The following VPS13D variants were observed in gnomAD, a reference collection of about 807,000 sequenced individuals.
The protein encoded by VPS13D is vacuolar protein sorting 13 homolog D, also known as intermembrane lipid transfer protein VPS13D.
A neutral mutation model predicts 461.9 loss-of-function variants in VPS13D; 187 were observed. That is an observed-to-expected ratio of 0.40 (90% CI 0.36 to 0.46). VPS13D has a LOEUF of 0.46. VPS13D is among the 20% of genes least tolerant of loss of function. VPS13D has a pLI of 0.60. For synonymous variants in VPS13D, 1,951 were observed against 1,986.3 expected, an observed-to-expected ratio of 0.98 and a Z score of 0.47; for missense variants, 4,711 against 5,364.9, an observed-to-expected ratio of 0.88 and a Z score of 3.81.
intron 38 of VPS13D, 53 bp from the exon 39 acceptor site, chr1:12,335,652 C>T (rs183880508): frequency 1.8e-5 from 28 of 1,556,528 alleles, no homozygotes; most frequent in Middle Eastern, 1.7e-4. Context: ...TTATTTGACT[C>T]GAACCCTCCA....
At chr1:12,255,578 C>T (rs565471986) in intron 7 of VPS13D, among the ~76,000 whole-genome samples, 3 of 149,914 alleles carry the variant, frequency 2.0e-5, no homozygotes, top group Admixed American at 6.6e-5. Flanking sequence ...AAATTTTAAA[C>T]GATGTGAGTG....
At position 12,351,313 on chromosome 1, in the gene VPS13D, G is replaced by A. The variant is rs558219886; in HGVS notation, c.9431+1939G>A. ...AATTTTTTCTTGTTTTTTTTGAGGTGGAGTTTTGCTCTTGTCACCCAGGCT... is the reference window on the plus strand; with the variant it reads ...AATTTTTTCTTGTTTTTTTTGAGGTAGAGTTTTGCTCTTGTCACCCAGGCT... On this transcript the variant is annotated intron_variant, in intron 46 of 69. Transcript: ENST00000620676. 2.1e-4 allele frequency among the ~76,000 whole-genome samples: 32 copies of A among 152,162 alleles called. No individual in the cohort carries two copies. In the South Asian group the frequency reaches 6.6e-3, roughly 32 times the overall value.
At chr1:12,263,399 T>C (rs1270918117) in intron 13 of VPS13D, among the ~76,000 whole-genome samples, 1 of 152,218 alleles carries the variant, frequency 6.6e-6, no homozygotes, top group Non-Finnish European at 1.5e-5. Context: ...TTTTTTCTGC[T>C]CTGTGAGTGT....
intron 21 of VPS13D, among the ~76,000 whole-genome samples, chr1:12,287,698 A>C (rs1342051701): frequency 1.3e-5 from 2 of 152,178 alleles, no homozygotes; most frequent in African/African-American, 4.8e-5. Flanking sequence ...CTTCCAAGAC[A>C]GGGGATTTTT....
At chr1:12,337,437 C>T (rs1389760578) in intron 39 of VPS13D, 1 of 152,090 alleles carries the variant, frequency 6.6e-6, no homozygotes, top group Non-Finnish European at 1.5e-5. Context: ...AAAAGTTATG[C>T]TTTTTATTCA....
At position 12,417,781 on chromosome 1, in the gene VPS13D, CT is replaced by C. The variant is rs202153172; in HGVS notation, c.12333+960del. ...AATGTGTGAAAGCTGAGAATTTATT[CT>C]TTTTTCCCCAAACTATTTTCTAGGG... On this transcript the variant is annotated intron_variant, in intron 65 of 69. Transcript: ENST00000620676. Among the ~76,000 whole-genome samples the C allele has an allele frequency of 5.9e-3, 905 of 152,260 alleles. 13 individuals carry two copies. The highest frequency in any genetic ancestry group is 0.021 in the African/African-American group (859 of 41,534).
chr1:12,322,391 A>T, intron 33 of VPS13D, 145 bp from the exon 34 acceptor site: 1 of 812,148 alleles, frequency 1.2e-6, no homozygotes, highest in East Asian at 2.7e-5. Context: ...CTTACTTTCA[A>T]GATCTTTGCA....
chr1:12,360,671 GT>G, intron 50 of VPS13D, among the ~76,000 whole-genome samples: 1 of 152,152 alleles, frequency 6.6e-6, no homozygotes, highest in Non-Finnish European at 1.5e-5. Flanking sequence ...AAGTGATAGG[GT>G]ATAGTTCCAT....
intron 47 of VPS13D, 63 bp downstream of exon 47, chr1:12,354,284 G>A: frequency 1.3e-6 from 2 of 1,575,048 alleles, no homozygotes; most frequent in South Asian, 1.1e-5. Context: ...AGTATTTTGT[G>A]ATTATTTATT....
intron 23 of VPS13D, among the ~76,000 whole-genome samples, chr1:12,291,695 C>T (rs1642136924): frequency 6.6e-6 from 1 of 152,196 alleles, no homozygotes; most frequent in Non-Finnish European, 1.5e-5. Context: ...CCTGGGCTCT[C>T]TTGCTGGTTT....
intron 30 of VPS13D, 121 bp downstream of exon 30, chr1:12,314,448 G>C: frequency 1.1e-6 from 1 of 947,100 alleles, no homozygotes; most frequent in South Asian, 1.6e-5. Context: ...ATAGATAATG[G>C]CTTAATCAGT....
Position 12,253,592 on chromosome 1 carries a change from A to G in VPS13D, c.565-130A>G, listed in dbSNP as rs531608327. The G allele has an allele frequency of 1.7e-3, 1,170 of 674,112 alleles. 2 individuals are homozygous for G. The highest frequency in any genetic ancestry group is 2.2e-3 in the Non-Finnish European group (875 of 392,818). 41.8% of individuals were successfully genotyped at this position (674,112 alleles called of 1,614,324 possible). ...TCTGTAAGAGCAGAAGCATGTTTTA[A>G]TTGAGTTATATGTCCACAGCACCTT... is the stretch of plus-strand genomic sequence containing the variant. On this transcript the variant is annotated intron_variant, in intron 6 of 69. Transcript: ENST00000620676.
At chr1:12,468,143 T>C (rs181201173) in intron 67 of VPS13D, among the ~76,000 whole-genome samples, 94 of 152,380 alleles carry the variant, frequency 6.2e-4, no homozygotes, top group Admixed American at 2.5e-3. Context: ...TTTAAAACTC[T>C]AACGTGACAC....
intron 44 of VPS13D, 101 bp downstream of exon 44, chr1:12,346,753 CAT>C (rs1643685536): frequency 1.8e-6 from 2 of 1,128,888 alleles, no homozygotes; most frequent in Non-Finnish European, 2.5e-6. Flanking sequence ...AACTTTATGA[CAT>C]ATATGCGATT....
At chr1:12,231,471 A>G (rs1379897917) in intron 1 of VPS13D, among the ~76,000 whole-genome samples, 1 of 152,232 alleles carries the variant, frequency 6.6e-6, no homozygotes, top group East Asian at 1.9e-4. Context: ...GTTTAGGGCA[A>G]GTAGGGTAGG....
At chr1:12,262,193 A>G (rs1641131605) in intron 13 of VPS13D, 113 bp downstream of exon 13, 4 of 1,172,282 alleles carry the variant, frequency 3.4e-6, no homozygotes, top group Non-Finnish European at 4.7e-6. Context: ...CGAAAACTGT[A>G]TTAGCTAATG....
chr1:12,417,035 C>T (rs1172682391), intron 65 of VPS13D, among the ~76,000 whole-genome samples: 2 of 152,144 alleles, frequency 1.3e-5, no homozygotes, highest in Non-Finnish European at 2.9e-5. Context: ...CCTTCCTCTC[C>T]GTTGCCACTG....
At chr1:12,432,196 T>G (rs544905242) in intron 65 of VPS13D, among the ~76,000 whole-genome samples, 2 of 151,772 alleles carry the variant, frequency 1.3e-5, no homozygotes, top group African/African-American at 2.4e-5. Context: ...GAGTTCGAGA[T>G]TAGCCTGACT....
chr1:12,365,913 T>G (rs1347214244), intron 52 of VPS13D, among the ~76,000 whole-genome samples: 1 of 152,092 alleles, frequency 6.6e-6, no homozygotes, highest in Non-Finnish European at 1.5e-5. Context: ...TTTGTTTTTG[T>G]TTTTGTTGGA....
Sources: gnomAD v4.1 joint callset for allele counts (sites outside exome capture counted in the v4.1 genomes callset) on GRCh38, gnomAD v4.1.1 for gene constraint, MANE v1.5 for transcripts, NCBI Gene and HGNC (gene_info 2026-07-23, HGNC 2026-07-21) for gene names.